NYAP2: variants seen among roughly 807,000 people sequenced by gnomAD.
The protein encoded by NYAP2 is neuronal tyrosine-phosphorylated phosphoinositide-3-kinase adapter 2.
Under a neutral mutation model 50.4 loss-of-function variants are expected in NYAP2, and 23 were observed. That is an observed-to-expected ratio of 0.46 (90% CI 0.33 to 0.65). The LOEUF (loss-of-function observed/expected upper bound fraction) is 0.65, where lower values mean the gene tolerates loss of function less well. NYAP2 is among the 30% of genes least tolerant of loss of function. The pLI, the probability that NYAP2 is intolerant of heterozygous loss-of-function variation, is 0.02. For synonymous variants in NYAP2, 394 were observed against 365.2 expected, an observed-to-expected ratio of 1.08 and a Z score of -0.90; for missense variants, 885 against 861.0, an observed-to-expected ratio of 1.03 and a Z score of -0.35.
At chr2:225,638,156 TTGTG>T (rs146481098) in intron 6 of NYAP2, among the ~76,000 whole-genome samples, 2,005 of 135,218 alleles carry the variant, frequency 0.015, 38 homozygotes, top group African/African-American at 0.04. Context: ...ACTCGTGTGT[TTGTG>T]TGTGTGTGTG....
At chr2:225,540,925 T>G (rs1203591026) in intron 4 of NYAP2, among the ~76,000 whole-genome samples, 2 of 152,218 alleles carry the variant, frequency 1.3e-5, no homozygotes, top group Non-Finnish European at 2.9e-5. Flanking sequence ...GGGTTCATTT[T>G]TTTCCATATC....
intron 4 of NYAP2, among the ~76,000 whole-genome samples, chr2:225,570,953 T>C (rs1374610198): frequency 2.0e-5 from 3 of 152,222 alleles, no homozygotes; most frequent in Non-Finnish European, 4.4e-5. Context: ...TGGGTAAATA[T>C]GCATGTTCCA....
the NYAP2 span, among the ~76,000 whole-genome samples, chr2:225,686,012 C>G: frequency 6.6e-6 from 1 of 151,972 alleles, no homozygotes; most frequent in African/African-American, 2.4e-5. Context: ...GTAGTTTTAC[C>G]CGTAATAATT....
intron 5 of NYAP2, among the ~76,000 whole-genome samples, chr2:225,588,109 AG>A (rs1574695700): frequency 6.6e-6 from 1 of 152,086 alleles, no homozygotes; most frequent in Non-Finnish European, 1.5e-5. Context: ...TATTTTTAGT[AG>A]AGATGGCGTT....
chr2:225,610,483 T>C (rs1309775295), intron 5 of NYAP2, among the ~76,000 whole-genome samples: 1 of 152,196 alleles, frequency 6.6e-6, no homozygotes, highest in African/African-American at 2.4e-5. Context: ...GACTTTAACA[T>C]GTGAATTTTA....
At chr2:225,610,390 G>A (rs142343336) in intron 5 of NYAP2, among the ~76,000 whole-genome samples, 24 of 152,108 alleles carry the variant, frequency 1.6e-4, no homozygotes, top group South Asian at 4.1e-4. Flanking sequence ...TATGGGTTTC[G>A]AGCCCCACCC....
exon 2 of NYAP2, chr2:225,400,568 T>A (rs970110733): frequency 3.9e-5 from 6 of 152,058 alleles, no homozygotes; most frequent in African/African-American, 1.2e-4. Context: ...CAGAATATAA[T>A]CAAATGAGGT....
chr2:225,503,840 T>C (rs994811588), intron 3 of NYAP2, among the ~76,000 whole-genome samples: 6 of 152,100 alleles, frequency 3.9e-5, no homozygotes, highest in African/African-American at 1.5e-4. Context: ...TATAATTATG[T>C]CCACTGATAA....
At chr2:225,518,423 C>T (rs1408215769) in intron 4 of NYAP2, among the ~76,000 whole-genome samples, 8 of 148,854 alleles carry the variant, frequency 5.4e-5, no homozygotes, top group South Asian at 4.3e-4. Context: ...AAAACATCTA[C>T]GGTACATCAT....
At chr2:225,592,885 C>G (rs772728686) in intron 5 of NYAP2, among the ~76,000 whole-genome samples, 6 of 152,062 alleles carry the variant, frequency 3.9e-5, no homozygotes, top group African/African-American at 9.7e-5. Context: ...TAAGAAGAAC[C>G]CTACCTGCTT....
At chr2:225,650,341 T>C (rs1264019292) in intron 6 of NYAP2, among the ~76,000 whole-genome samples, 2 of 152,218 alleles carry the variant, frequency 1.3e-5, no homozygotes, top group African/African-American at 2.4e-5. Flanking sequence ...TCCAACGGAA[T>C]TGGGCACATT....
At chr2:225,560,357 G>A (rs1691850209) in intron 4 of NYAP2, among the ~76,000 whole-genome samples, 1 of 151,992 alleles carries the variant, frequency 6.6e-6, no homozygotes, top group Admixed American at 6.6e-5. Flanking sequence ...CATACTTTGA[G>A]AGAAACACTA....
chr2:225,680,024 T>G, the NYAP2 span, among the ~76,000 whole-genome samples: 1 of 152,130 alleles, frequency 6.6e-6, no homozygotes, highest in African/African-American at 2.4e-5. Context: ...GATGAGATAA[T>G]CTATGAGATA....
At chr2:225,583,097 G>T (rs1313359159) in intron 5 of NYAP2, 62 bp downstream of exon 5, 2 of 1,548,178 alleles carry the variant, frequency 1.3e-6, no homozygotes, top group Non-Finnish European at 1.7e-6. Flanking sequence ...CCAGGGTGAA[G>T]CCCATTGTGT....
At chr2:225,663,061 A>G in the NYAP2 span, among the ~76,000 whole-genome samples, 1 of 152,214 alleles carries the variant, frequency 6.6e-6, no homozygotes, top group Non-Finnish European at 1.5e-5. Context: ...TATTTAAAAC[A>G]TGGGCTATTT....
chr2:225,417,532 T>TA (rs1695146031), intron 3 of NYAP2, among the ~76,000 whole-genome samples: 1 of 151,980 alleles, frequency 6.6e-6, no homozygotes, highest in African/African-American at 2.4e-5. Flanking sequence ...AAAGATCACT[T>TA]AAAAAAATAG....
chr2:225,542,387 A>G (rs1016830058), intron 4 of NYAP2, among the ~76,000 whole-genome samples: 9 of 152,124 alleles, frequency 5.9e-5, no homozygotes, highest in African/African-American at 2.2e-4. Flanking sequence ...CCCATTCAGT[A>G]TGACACTAGC....
intron 4 of NYAP2, among the ~76,000 whole-genome samples, chr2:225,542,559 T>C (rs1691495488): frequency 6.6e-6 from 1 of 152,178 alleles, no homozygotes; most frequent in African/African-American, 2.4e-5. Context: ...TCTTTTGATA[T>C]GATATATCAC....
At chr2:225,497,651 G>A (rs990034812) in intron 3 of NYAP2, among the ~76,000 whole-genome samples, 3 of 152,176 alleles carry the variant, frequency 2.0e-5, no homozygotes, top group South Asian at 2.1e-4. Flanking sequence ...ATGGGGTAAG[G>A]TATTACTACC....
Sources: allele counts gnomAD v4.1 joint callset (sites outside exome capture counted in the v4.1 genomes callset), GRCh38; gene constraint gnomAD v4.1.1; transcripts MANE v1.5; gene names NCBI Gene and HGNC (gene_info 2026-07-23, HGNC 2026-07-21).